PEX2: variants seen among roughly 807,000 people sequenced by gnomAD.
PEX2 encodes peroxisome biogenesis factor 2.
PEX2 carries 19 observed loss-of-function variants against 25.2 expected under a neutral mutation model. That is an observed-to-expected ratio of 0.75 (90% confidence interval 0.53 to 1.10). PEX2 has a LOEUF of 1.10. Among genes scored for constraint, PEX2 ranks in the 50% least tolerant of loss-of-function variants. PEX2 has a pLI of 0.00. For synonymous variants in PEX2, 141 were observed against 127.7 expected (o/e 1.10, Z -0.70); for missense variants, 347 against 350.6 (o/e 0.99, Z 0.08).
At chr8:76,986,902 G>C (rs1807019736) in intron 2 of PEX2, among the ~76,000 whole-genome samples, 1 of 152,058 alleles carries the variant, frequency 6.6e-6, no homozygotes, top group African/African-American at 2.4e-5. Flanking sequence ...AGTTGAATCA[G>C]AACAACTATC....
Position 76,986,064 on chromosome 8 carries a change from A to C in PEX2, c.-18+123T>G, listed in dbSNP as rs925141155. ...GAAGACTACATGTTTAACAAGTTCAAGTCCAGGAAACAAAAATGATCAATG... is the reference window on the plus strand; with the variant it reads ...GAAGACTACATGTTTAACAAGTTCACGTCCAGGAAACAAAAATGATCAATG... On this transcript the variant is annotated intron_variant, in intron 3 of 3. Coordinates refer to ENST00000357039, the MANE Select transcript of PEX2 (RefSeq NM_000318.3). 12 of 152,314 alleles carry C rather than the reference A, an allele frequency of 7.9e-5. 1 individual carries two copies. Among genetic ancestry groups the C allele is most frequent in the Admixed American group, 7.8e-4 (12 of 15,298 alleles). The allele number at this position is 152,314 out of a possible 1,614,324, so 9.4% of individuals were successfully genotyped here. A position where few individuals can be genotyped will look rare whatever the true frequency, so the allele number is the denominator to read the frequency against.
At position 76,985,333 on chromosome 8, in the gene PEX2, G is replaced by A. The variant is rs192419229; in HGVS notation, c.-18+854C>T. ...AGGGTGAGAGAAATGGGAGATATTA[G>A]TCAAAGGGTGCAAATTTTCAGTTAT... On this transcript the variant is annotated intron_variant, in intron 3 of 3. Transcript: ENST00000357039. 3.1e-3 allele frequency among the ~76,000 whole-genome samples: 467 copies of A among 152,242 alleles called. 4 individuals carry two copies. Among genetic ancestry groups the A allele is most frequent in the African/African-American group, 0.011 (447 of 41,548 alleles).
rs1806828879 is a variant in PEX2, at chr8:76,981,570, G to C, written c.*1691C>G. ...TCAGCCTCCCTAAGTAGGGAGCCTGGGATTACAGGCATGAGCCATTGTGCT... is the reference window on the plus strand; with the variant it reads ...TCAGCCTCCCTAAGTAGGGAGCCTGCGATTACAGGCATGAGCCATTGTGCT... On this transcript the variant is annotated 3_prime_UTR_variant, in exon 4 of 4. Coordinates refer to ENST00000357039, the MANE Select transcript of PEX2 (RefSeq NM_000318.3). 1 of 152,018 alleles carries C rather than the reference G, an allele frequency of 6.6e-6. No homozygotes were observed. Among genetic ancestry groups the C allele is most frequent in the African/African-American group, 2.4e-5 (1 of 41,374 alleles). The allele number at this position is 152,018 out of a possible 1,614,324, so 9.4% of individuals were successfully genotyped here.
At chr8:76,991,617 T>C (rs1006656643) in intron 1 of PEX2, among the ~76,000 whole-genome samples, 2 of 152,198 alleles carry the variant, frequency 1.3e-5, no homozygotes, top group South Asian at 4.1e-4. Flanking sequence ...CACACCATAG[T>C]TCATTAAAGT....
In PEX2 at chr8:76,997,510, A is replaced by C. The variant is rs201026493; in HGVS notation, c.-160+2480T>G. ...CTTGAACTCGGGAGGCAGAGGTTAC[A>C]GTGAGCTGAGACTGTGCCACTGCAC... On this transcript the variant is annotated intron_variant, in intron 1 of 3. Coordinates refer to ENST00000357039, the MANE Select transcript of PEX2 (RefSeq NM_000318.3). 2.6e-5 allele frequency among the ~76,000 whole-genome samples: 4 copies of C among 152,174 alleles called. No homozygotes were observed. In the East Asian group the frequency reaches 7.7e-4, roughly 29 times the overall value.
intron 3 of PEX2, among the ~76,000 whole-genome samples, chr8:76,984,563 A>G (rs905369725): frequency 2.0e-5 from 3 of 152,220 alleles, no homozygotes; most frequent in Non-Finnish European, 4.4e-5. Context: ...AAGCTAACAG[A>G]AAGGAGGCTG....
chr8:76,983,988 A>G lies in PEX2; in HGVS notation c.191T>C (p.Leu64Ser). 1 of 1,614,156 alleles carries G rather than the reference A, an allele frequency of 6.2e-7. No individual in the cohort carries two copies. Among genetic ancestry groups the G allele is most frequent in the Non-Finnish European group, 8.5e-7 (1 of 1,180,008 alleles). ...PEVKACLWVF[L>S]WRFTIYSKNA... is the part of the protein sequence containing the mutation. ...TTTGGAGTAGATGGTGAATCTCCACAAGAAAACCCATAAGCACGCTTTCAC... is the reference window on the plus strand; with the variant it reads ...TTTGGAGTAGATGGTGAATCTCCACGAGAAAACCCATAAGCACGCTTTCAC... The change falls in exon 4 of 4, where the codon TTG (leucine) becomes TCG (serine). Residue 64 changes from leucine (L) to serine (S), a missense_variant. By Grantham distance (145) the Leu-to-Ser change is moderately radical. Coordinates refer to ENST00000357039, the MANE Select transcript of PEX2 (RefSeq NM_000318.3).
Position 76,984,208 on chromosome 8 carries a change from A to G in PEX2, c.-17-13T>C. The G allele has an allele frequency of 6.2e-7, 1 of 1,605,618 alleles. No individual in the cohort carries two copies. The highest frequency in any genetic ancestry group is 8.5e-7 in the Non-Finnish European group (1 of 1,172,596). On this transcript the variant is annotated splice_polypyrimidine_tract_variant and intron_variant, in intron 3 of 3. Coordinates refer to ENST00000357039, the MANE Select transcript of PEX2 (RefSeq NM_000318.3). ...TCTCTGAAGGTCTCTAGGAAAAAAT[A>G]CAATTGAAGAACATTAGCAAAGAGT...
At chr8:76,991,467 A>G (rs1184166543) in intron 1 of PEX2, among the ~76,000 whole-genome samples, 3 of 152,158 alleles carry the variant, frequency 2.0e-5, no homozygotes, top group African/African-American at 7.2e-5. Flanking sequence ...CCAAAAGACT[A>G]TTATTAAACT....
At chr8:76,987,081 C>T (rs1229466062) in intron 2 of PEX2, among the ~76,000 whole-genome samples, 1 of 152,062 alleles carries the variant, frequency 6.6e-6, no homozygotes, top group Non-Finnish European at 1.5e-5. Context: ...CTAATTTCAC[C>T]ATGTTTATTG....
At chr8:76,989,662 A>G (rs1042342836) in intron 1 of PEX2, among the ~76,000 whole-genome samples, 5 of 152,228 alleles carry the variant, frequency 3.3e-5, no homozygotes, top group Admixed American at 1.3e-4. Context: ...ACTAAGGTGC[A>G]TATCAATGAG....
intron 1 of PEX2, among the ~76,000 whole-genome samples, chr8:76,994,267 A>G (rs1807256463): frequency 6.6e-6 from 1 of 152,184 alleles, no homozygotes; most frequent in South Asian, 2.1e-4. Context: ...TCCAAAAACT[A>G]AACAAATGAC....
chr8:76,997,091 G>A (rs1012616782), intron 1 of PEX2, among the ~76,000 whole-genome samples: 4 of 152,264 alleles, frequency 2.6e-5, no homozygotes, highest in Middle Eastern at 3.4e-3. Context: ...CTGTAGATGG[G>A]GAAAGAAATT....
intron 3 of PEX2, among the ~76,000 whole-genome samples, chr8:76,984,700 A>AT (rs1014689430): frequency 1.3e-4 from 20 of 152,140 alleles, no homozygotes; most frequent in Admixed American, 1.0e-3. Context: ...CAAAGGTGTT[A>AT]TTTTTTCAGC....
Position 76,982,274 on chromosome 8 carries a change from A to T in PEX2, c.*987T>A, listed in dbSNP as rs1452765662. On this transcript the variant is annotated 3_prime_UTR_variant, in exon 4 of 4. Transcript: ENST00000357039. The stretch of plus-strand genomic sequence containing the variant: ...GCACTGCTGTTACTATTCCCATGCT[A>T]AAGACCCCTTTTGTTTCAATAAAAC... 1 of 152,178 alleles carries T rather than the reference A, an allele frequency of 6.6e-6. No homozygotes were observed. The highest frequency in any genetic ancestry group is 1.9e-4 in the East Asian group (1 of 5,192). The allele number at this position is 152,178 out of a possible 1,614,324, so 9.4% of individuals were successfully genotyped here. A position where few individuals can be genotyped will look rare whatever the true frequency, so the allele number is the denominator to read the frequency against.
intron 1 of PEX2, among the ~76,000 whole-genome samples, chr8:76,997,366 C>G (rs1199859032): frequency 6.6e-6 from 1 of 152,174 alleles, no homozygotes; most frequent in Non-Finnish European, 1.5e-5. Flanking sequence ...GTGAGGAGTT[C>G]AAGACCAGTC....
At chr8:76,984,495 A>G (rs550147030) in intron 3 of PEX2, among the ~76,000 whole-genome samples, 1 of 152,316 alleles carries the variant, frequency 6.6e-6, no homozygotes, top group South Asian at 2.1e-4. Context: ...TTCCACAAAT[A>G]TACTTCTAAG....
rs1340019036 is a variant in PEX2, at chr8:76,986,255, C to G, written c.-86G>C. ...AGCTATGACAGTGGGAATTTTTGCT[C>G]CAAGTTCTTCTGTGAAATCCTTGCC... On this transcript the variant is annotated 5_prime_UTR_variant, in exon 3 of 4. Coordinates refer to ENST00000357039, the MANE Select transcript of PEX2 (RefSeq NM_000318.3). 5 of 152,288 alleles carry G rather than the reference C, an allele frequency of 3.3e-5. No individual in the cohort carries two copies. In the East Asian group the frequency reaches 9.6e-4, roughly 29 times the overall value. 9.4% of individuals were successfully genotyped at this position (152,288 alleles called of 1,614,324 possible). A position where few individuals can be genotyped will look rare whatever the true frequency, so the allele number is the denominator to read the frequency against.
rs998662856 is a variant in PEX2, at chr8:76,982,000, G to A, written c.*1261C>T. The stretch of plus-strand genomic sequence containing the variant: ...TGTTGTGCCTCTAATGGCTACATCA[G>A]TACCTGGCACCTGAGTACTTGTTCA... On this transcript the variant is annotated 3_prime_UTR_variant, in exon 4 of 4. Transcript: ENST00000357039. 2.6e-5 allele frequency: 4 copies of A among 152,146 alleles called. No homozygotes were observed. The highest frequency in any genetic ancestry group is 7.2e-5 in the African/African-American group (3 of 41,426). The allele number at this position is 152,146 out of a possible 1,614,324, so 9.4% of individuals were successfully genotyped here. A position where few individuals can be genotyped will look rare whatever the true frequency, so the allele number is the denominator to read the frequency against.
Sources: gnomAD v4.1 joint callset for allele counts (sites outside exome capture counted in the v4.1 genomes callset) on GRCh38, gnomAD v4.1.1 for gene constraint, MANE v1.5 for transcripts, NCBI Gene and HGNC (gene_info 2026-07-23, HGNC 2026-07-21) for gene names.